NDST4: variants seen among roughly 807,000 people sequenced by gnomAD.
NDST4 encodes the protein N-deacetylase and N-sulfotransferase 4.
A neutral mutation model predicts 100.8 loss-of-function variants in NDST4; 63 were observed. The observed-to-expected ratio is 0.62, with a 90% CI of 0.51 to 0.77. The LOEUF is 0.77. NDST4 is among the 30% of genes least tolerant of loss of function. The pLI, the probability that NDST4 is intolerant of heterozygous loss-of-function variation, is 0.00. For synonymous variants in NDST4, 377 were observed against 361.8 expected (o/e 1.04, Z -0.48); for missense variants, 943 against 1,018.4 (o/e 0.93, Z 1.01).
chr4:115,111,488 G>C (rs1023885169), intron 1 of NDST4, among the ~76,000 whole-genome samples: 1 of 151,236 alleles, frequency 6.6e-6, no homozygotes, highest in Non-Finnish European at 1.5e-5. Context: ...TGATGTTTAG[G>C]ATAATATATT....
chr4:115,051,969 C>T (rs971089754), intron 2 of NDST4, among the ~76,000 whole-genome samples: 2 of 152,022 alleles, frequency 1.3e-5, no homozygotes, highest in Non-Finnish European at 2.9e-5. Context: ...TTGATCCAAG[C>T]CATTTTAACT....
chr4:114,890,486 A>C (rs1350207192), intron 6 of NDST4, among the ~76,000 whole-genome samples: 1 of 151,990 alleles, frequency 6.6e-6, no homozygotes, highest in Non-Finnish European at 1.5e-5. Context: ...TTTTTTTCTC[A>C]TGTCATTATC....
At chr4:115,088,214 G>A (rs1729445423) in intron 1 of NDST4, among the ~76,000 whole-genome samples, 1 of 151,700 alleles carries the variant, frequency 6.6e-6, no homozygotes, top group Admixed American at 6.6e-5. Flanking sequence ...AATTATGCAG[G>A]GAGCCAAGCT....
chr4:114,828,010 AAG>A, intron 13 of NDST4, 75 bp from the exon 14 acceptor site: 3 of 1,353,850 alleles, frequency 2.2e-6, no homozygotes. Flanking sequence ...TATATTTCTT[AAG>A]GAATATATCT....
At chr4:115,027,478 C>T (rs550265959) in intron 2 of NDST4, among the ~76,000 whole-genome samples, 1 of 152,266 alleles carries the variant, frequency 6.6e-6, no homozygotes, top group South Asian at 2.1e-4. Context: ...CGACAGCTTA[C>T]ATCCTACCTT....
chr4:115,096,374 T>A (rs1406713570), intron 1 of NDST4, among the ~76,000 whole-genome samples: 1 of 152,078 alleles, frequency 6.6e-6, no homozygotes, highest in Admixed American at 6.6e-5. Flanking sequence ...TCATTAACTA[T>A]CTTTTCTCCT....
rs1443983735 is a variant in NDST4 at position 115,009,549 on chromosome 4, G to A, written c.979-32275C>T. Among the ~76,000 whole-genome samples, 2 of 122,790 alleles carry A rather than the reference G, an allele frequency of 1.6e-5. 1 individual carries two copies. Among genetic ancestry groups the A allele is most frequent in the South Asian group, 6.5e-4 (2 of 3,080 alleles). 80.6% of individuals were successfully genotyped at this position (122,790 alleles called of 152,430 possible). On this transcript the variant is annotated intron_variant, in intron 2 of 13. Coordinates refer to ENST00000264363, the MANE Select transcript of NDST4 (RefSeq NM_022569.3). ...AAAAATTAATTCAAGATGGATTAAAGACTTAAACGTTAGACCTAAAACCAT... is the reference window on the plus strand; with the variant it reads ...AAAAATTAATTCAAGATGGATTAAAAACTTAAACGTTAGACCTAAAACCAT...
intron 7 of NDST4, among the ~76,000 whole-genome samples, chr4:114,865,347 G>C (rs1046156439): frequency 1.3e-5 from 2 of 152,168 alleles, no homozygotes; most frequent in African/African-American, 4.8e-5. Context: ...ATAGGAGTGA[G>C]CCACTGCACC....
chr4:114,883,983 A>C (rs183016316), intron 6 of NDST4, among the ~76,000 whole-genome samples: 1 of 152,248 alleles, frequency 6.6e-6, no homozygotes, highest in African/African-American at 2.4e-5. Context: ...CCTGGTCTAC[A>C]AGACACTCCC....
intron 13 of NDST4, 92 bp from the exon 14 acceptor site, chr4:114,828,027 C>T: frequency 9.1e-7 from 1 of 1,095,786 alleles, no homozygotes; most frequent in Admixed American, 2.7e-5. Flanking sequence ...ATATCTACTA[C>T]AGTATACGTG....
intron 2 of NDST4, among the ~76,000 whole-genome samples, chr4:115,066,181 A>G (rs573588): frequency 0.24 from 36,720 of 152,136 alleles, 5,922 homozygotes; most frequent in East Asian, 0.46. Context: ...ACATATTTGT[A>G]TGAACTCTAT....
chr4:115,002,823 C>T (rs1727324238), intron 2 of NDST4, among the ~76,000 whole-genome samples: 1 of 152,118 alleles, frequency 6.6e-6, no homozygotes, highest in Non-Finnish European at 1.5e-5. Context: ...GACTTGGAAC[C>T]AACCCAAATG....
At chr4:115,097,035 A>G (rs567315849) in intron 1 of NDST4, among the ~76,000 whole-genome samples, 1 of 152,200 alleles carries the variant, frequency 6.6e-6, no homozygotes, top group South Asian at 2.1e-4. Context: ...AGGAAATCGT[A>G]TATTTCAGTT....
chr4:115,005,939 A>G (rs1211777670), intron 2 of NDST4, among the ~76,000 whole-genome samples: 1 of 150,730 alleles, frequency 6.6e-6, no homozygotes, highest in East Asian at 2.0e-4. Context: ...AGGCTGAGGC[A>G]GAGAATCGCT....
intron 1 of NDST4, among the ~76,000 whole-genome samples, chr4:115,090,096 A>G (rs1729486495): frequency 1.3e-5 from 2 of 151,836 alleles, no homozygotes. Flanking sequence ...TGATAAATAT[A>G]TCATTTCTAC....
chr4:114,856,631 G>T lies in NDST4; in HGVS notation c.1720-3810C>A, dbSNP rs551807633. ...TAAAATAGAAGATCCATTAAGAAAT[G>T]CTTAGGCCGATTCTTCCCAGTGTTA... On this transcript the variant is annotated intron_variant, in intron 7 of 13. Coordinates refer to ENST00000264363, the MANE Select transcript of NDST4 (RefSeq NM_022569.3). Among the ~76,000 whole-genome samples, 3 of 152,244 alleles carry T rather than the reference G, an allele frequency of 2.0e-5. No individual in the cohort carries two copies. In the East Asian group the frequency reaches 5.8e-4, roughly 29 times the overall value.
intron 1 of NDST4, among the ~76,000 whole-genome samples, chr4:115,109,424 C>T (rs1729897807): frequency 6.6e-6 from 1 of 151,918 alleles, no homozygotes. Flanking sequence ...CATGTGGCCG[C>T]ACATAAAACT....
chr4:114,959,255 C>A (rs1439901696), intron 4 of NDST4, among the ~76,000 whole-genome samples: 3 of 152,134 alleles, frequency 2.0e-5, no homozygotes, highest in African/African-American at 7.2e-5. Context: ...CCAACCTCTG[C>A]CTGTTATCCA....
At chr4:114,927,224 G>T (rs981287079) in intron 6 of NDST4, among the ~76,000 whole-genome samples, 1 of 150,000 alleles carries the variant, frequency 6.7e-6, no homozygotes, top group Non-Finnish European at 1.5e-5. Flanking sequence ...ATTTGTGTGT[G>T]TGTGTGTGTG....
Sources: allele counts gnomAD v4.1 joint callset (sites outside exome capture counted in the v4.1 genomes callset), GRCh38; gene constraint gnomAD v4.1.1; transcripts MANE v1.5; gene names NCBI Gene and HGNC (gene_info 2026-07-23, HGNC 2026-07-21).